Variants in ZBED5 observed in about 807,000 individuals in gnomAD.
ZBED5 encodes zinc finger BED-type containing 5.
ZBED5 carries 29 observed loss-of-function variants against 49.2 expected under a neutral mutation model. That is an observed-to-expected ratio of 0.59 (90% CI 0.44 to 0.80). The LOEUF (loss-of-function observed/expected upper bound fraction) is 0.80, where lower values mean the gene tolerates loss of function less well. ZBED5 is among the 30% of genes least tolerant of loss of function. ZBED5 has a pLI of 0.00. For missense variants in ZBED5, 775 were observed against 812.9 expected, an observed-to-expected ratio of 0.95 and a Z score of 0.57; for synonymous variants, 281 against 292.5, an observed-to-expected ratio of 0.96 and a Z score of 0.40.
intron 1 of ZBED5, among the ~76,000 whole-genome samples, chr11:10,856,920 T>C (rs1163331817): frequency 6.6e-6 from 1 of 152,226 alleles, no homozygotes; most frequent in African/African-American, 2.4e-5. Context: ...TGTTCCTGAA[T>C]ACTTTTAATT....
In ZBED5 at chr11:10,853,821, G is replaced by A. The variant is rs546671772; in HGVS notation, c.1125C>T (p.Tyr375=). The change falls in exon 3 of 3, where the codon TAC becomes TAT. Residue 375 remains tyrosine (Y), a synonymous_variant. Coordinates refer to ENST00000413761, the MANE Select transcript of ZBED5 (RefSeq NM_001143667.2). This position sits in a 1 kb window ranked among gnomAD's most constrained non-coding sequence, Gnocchi z 5.4. ...PESTSSHCLL[Y]RHALAVKIMP... ...TTATTTTAACTGCCAGTGCATGTCT[G>A]TATAATAGGCAGTGACTACTGGTGC... 5.8e-6 allele frequency: 9 copies of A among 1,551,628 alleles called. No individual in the cohort carries two copies. The highest frequency in any genetic ancestry group is 3.5e-6 in the Non-Finnish European group (4 of 1,146,946).
chr11:10,854,221 T>C lies in ZBED5; in HGVS notation c.725A>G (p.Gln242Arg). 6.4e-7 allele frequency: 1 copy of C among 1,550,996 alleles called. No homozygotes were observed. Among genetic ancestry groups the C allele is most frequent in the Non-Finnish European group, 8.7e-7 (1 of 1,146,492 alleles). Residue 242 changes from glutamine (Q) to arginine (R), a missense_variant, in exon 3 of 3, where the codon CAG (glutamine) becomes CGG (arginine). Coordinates refer to ENST00000413761, the MANE Select transcript of ZBED5 (RefSeq NM_001143667.2). The surrounding 1 kb of genome is among the most constrained non-coding windows in gnomAD (Gnocchi z 5.0). ...EQYSKKIDAV[Q>R]LSNSTVARRI... ...ACGTGCAACAGTACTGTTTGATAGC[T>C]GTACTGCATCTATTTTTTTACTATA...
chr11:10,857,604 G>A lies in ZBED5; in HGVS notation c.-256+258C>T, dbSNP rs1848201590. On this transcript the variant is annotated intron_variant, in intron 1 of 2. Transcript: ENST00000413761. This position sits in a 1 kb window ranked among gnomAD's most constrained non-coding sequence, Gnocchi z 6.3. ...ACTGGGGGGCTCCCTACCAGTCGCA[G>A]CCCACCCTCGCCTCAGGTCTTCTCT... 1 of 152,388 alleles carries A rather than the reference G, an allele frequency of 6.6e-6. No homozygotes were observed. The highest frequency in any genetic ancestry group is 6.5e-5 in the Admixed American group (1 of 15,288). The allele number at this position is 152,388 out of a possible 1,614,324, so 9.4% of individuals were successfully genotyped here. A position where few individuals can be genotyped will look rare whatever the true frequency, so the allele number is the denominator to read the frequency against.
In ZBED5 at chr11:10,852,814, TATTTTC is replaced by T. The variant is rs1277632900; in HGVS notation, c.*44_*49del. ...ACCAGAGATGAAGTAAATCATCTTT[TATTTTC>T]ATCTTACATTTGGTTATCATGAGAC... On this transcript the variant is annotated 3_prime_UTR_variant, in exon 3 of 3. Transcript: ENST00000413761. 5 of 1,436,950 alleles carry T rather than the reference TATTTTC, an allele frequency of 3.5e-6. No individual in the cohort carries two copies. In the African/African-American group the frequency reaches 4.3e-5, roughly 12 times the overall value. 89.0% of individuals were successfully genotyped at this position (1,436,950 alleles called of 1,614,324 possible).
Position 10,852,768 on chromosome 11 carries a change from T to G in ZBED5, c.*96A>C, listed in dbSNP as rs987338531. 2 of 1,406,712 alleles carry G rather than the reference T, an allele frequency of 1.4e-6. No individual in the cohort carries two copies. The highest frequency in any genetic ancestry group is 1.9e-6 in the Non-Finnish European group (2 of 1,078,464). The allele number at this position is 1,406,712 out of a possible 1,614,324, so 87.1% of individuals were successfully genotyped here. On this transcript the variant is annotated 3_prime_UTR_variant, in exon 3 of 3. Transcript: ENST00000413761. ...TAAATAGTATAAAAAAATGGAATCATTTTATTTAAATCCCCCAAATACCAG... is the reference window on the plus strand; with the variant it reads ...TAAATAGTATAAAAAAATGGAATCAGTTTATTTAAATCCCCCAAATACCAG...
rs1408406637 is a variant in ZBED5 at position 10,853,594 on chromosome 11, A to C, written c.1352T>G (p.Leu451Arg). The part of the protein sequence containing the change: ...LVRLFELRRE[L>R]LVFMDSAFRL... ...AAAAGCAGAATCCATGAAAACCAAA[A>C]GTTCACGACGAAGTTCAAAAAGTCT... The change falls in exon 3 of 3, where the codon CTT becomes CGT. Residue 451 changes from leucine to arginine, a missense_variant. By Grantham distance (102) the Leu-to-Arg change is moderately radical (BLOSUM62 -2). Coordinates refer to ENST00000413761, the MANE Select transcript of ZBED5 (RefSeq NM_001143667.2). The surrounding 1 kb of genome is among the most constrained non-coding windows in gnomAD (Gnocchi z 5.4). The C allele has an allele frequency of 3.2e-6, 5 of 1,550,858 alleles. No homozygotes were observed. Among genetic ancestry groups the C allele is most frequent in the Non-Finnish European group, 4.4e-6 (5 of 1,146,752 alleles).
In ZBED5 at chr11:10,855,006, C is replaced by T. The variant is rs1344188851; in HGVS notation, c.-61G>A. ...TGTAAATGCTGCCTATTCATCAATGCGCAGATGGAACATCATACGTTCATG... is the reference window on the plus strand; with the variant it reads ...TGTAAATGCTGCCTATTCATCAATGTGCAGATGGAACATCATACGTTCATG... On this transcript the variant is annotated 5_prime_UTR_variant, in exon 3 of 3. Coordinates refer to ENST00000413761, the MANE Select transcript of ZBED5 (RefSeq NM_001143667.2). The surrounding 1 kb of genome is among the most constrained non-coding windows in gnomAD (Gnocchi z 4.1). The T allele has an allele frequency of 1.0e-5, 15 of 1,503,938 alleles. No individual in the cohort carries two copies. The Admixed American group carries it at 1.1e-4, about 11-fold the overall frequency. 93.2% of individuals were successfully genotyped at this position (1,503,938 alleles called of 1,614,324 possible). A position where few individuals can be genotyped will look rare whatever the true frequency, so the allele number is the denominator to read the frequency against.
At position 10,853,704 on chromosome 11, in the gene ZBED5, A is replaced by G; in HGVS notation, c.1242T>C (p.Ile414=). The part of the protein sequence containing the change: ...ARPHQSRLLK[I]LCEEMGAQHT... ...GCTGAGCACCCATTTCCTCACATAA[A>G]ATTTTTAATAGTCTGGATTGATGTG... The change falls in exon 3 of 3, where the codon ATT becomes ATC. Residue 414 remains isoleucine, a synonymous_variant. Transcript: ENST00000413761. This position sits in a 1 kb window ranked among gnomAD's most constrained non-coding sequence, Gnocchi z 5.4. 4 of 1,551,626 alleles carry G rather than the reference A, an allele frequency of 2.6e-6. No individual in the cohort carries two copies. The highest frequency in any genetic ancestry group is 2.6e-6 in the Non-Finnish European group (3 of 1,146,942).
chr11:10,855,134 T>G lies in ZBED5; in HGVS notation c.-141-48A>C. 1.8e-5 allele frequency: 11 copies of G among 616,602 alleles called. No individual in the cohort carries two copies. Among genetic ancestry groups the G allele is most frequent in the South Asian group, 3.3e-5 (1 of 29,858 alleles). 38.2% of individuals were successfully genotyped at this position (616,602 alleles called of 1,614,324 possible). On this transcript the variant is annotated intron_variant, in intron 2 of 2. Transcript: ENST00000413761. This position sits in a 1 kb window ranked among gnomAD's most constrained non-coding sequence, Gnocchi z 4.1. Reference sequence around the variant, plus strand: ...AAAATAAAAGCTATAGAAATGAGTTTAGCAGTCTTAATCTCATATTTAAAT... The same window carrying G: ...AAAATAAAAGCTATAGAAATGAGTTGAGCAGTCTTAATCTCATATTTAAAT...
chr11:10,852,973 T>C lies in ZBED5; in HGVS notation c.1973A>G (p.Tyr658Cys), dbSNP rs1298239390. Residue 658 changes from tyrosine (Y) to cysteine (C), a missense_variant, in exon 3 of 3, where the codon TAT (tyrosine) becomes TGT (cysteine). Transcript: ENST00000413761. Reference sequence around the variant, plus strand: ...AGGTGCAGCATCAAGTCTTTTCCTATATTTTGTTTTTGTTGCAGCGTAATA... The same window carrying C: ...AGGTGCAGCATCAAGTCTTTTCCTACATTTTGTTTTTGTTGCAGCGTAATA... ...FSYYAATKTKYRKRLDAAPHM... is the reference protein window; with the variant it reads ...FSYYAATKTKCRKRLDAAPHM... 2.8e-5 allele frequency: 43 copies of C among 1,551,534 alleles called. No homozygotes were observed. The highest frequency in any genetic ancestry group is 3.9e-5 in the Admixed American group (2 of 50,988).
Position 10,853,019 on chromosome 11 carries a change from G to A in ZBED5, c.1927C>T (p.Leu643=). ...TAATATGAAAACCCCGTTTCACACA[G>A]GTGCATTGTAGCAAAAGGAAGAAGT... ...RVLLPFATMH[L]CETGFSYYAA... is the part of the protein sequence containing the mutation. The change falls in exon 3 of 3, where the codon CTG becomes TTG. Residue 643 remains leucine (L), a synonymous_variant. Transcript: ENST00000413761. This position sits in a 1 kb window ranked among gnomAD's most constrained non-coding sequence, Gnocchi z 5.4. 2.6e-6 allele frequency: 4 copies of A among 1,551,606 alleles called. No individual in the cohort carries two copies. Among genetic ancestry groups the A allele is most frequent in the Non-Finnish European group, 3.5e-6 (4 of 1,146,956 alleles).
Position 10,854,264 on chromosome 11 carries a change from G to A in ZBED5, c.682C>T (p.Arg228Trp), listed in dbSNP as rs762716784. 7.1e-6 allele frequency: 11 copies of A among 1,550,912 alleles called. No individual in the cohort carries two copies. The South Asian group carries it at 8.3e-5, about 12-fold the overall frequency. ...TTACTATATTGTTCATCAAACATCC[G>A]CATCACTACATCTTTTGCACAAGGT... is the stretch of plus-strand genomic sequence containing the variant. ...IKPCAKDVVM[R>W]MFDEQYSKKI... Residue 228 changes from arginine (R) to tryptophan (W), a missense_variant, in exon 3 of 3, where the codon CGG becomes TGG. Arg to Trp is a moderately radical substitution (Grantham distance 101). Transcript: ENST00000413761. This position sits in a 1 kb window ranked among gnomAD's most constrained non-coding sequence, Gnocchi z 5.0.
rs986126785 is a variant in ZBED5 at position 10,853,373 on chromosome 11, C to A, written c.1573G>T (p.Asp525Tyr). 6.4e-6 allele frequency: 10 copies of A among 1,550,978 alleles called. No individual in the cohort carries two copies. In the East Asian group the frequency reaches 2.0e-4, roughly 30 times the overall value. Residue 525 changes from aspartate (D) to tyrosine (Y), a missense_variant, in exon 3 of 3, where the codon GAT (aspartate) becomes TAT (tyrosine). Asp to Tyr is a radical substitution (Grantham distance 160). Coordinates refer to ENST00000413761, the MANE Select transcript of ZBED5 (RefSeq NM_001143667.2). This position sits in a 1 kb window ranked among gnomAD's most constrained non-coding sequence, Gnocchi z 5.4. Reference protein sequence around the residue: ...WASSVEEENFDCFPTLSDFLT... With the variant: ...WASSVEEENFYCFPTLSDFLT... The stretch of plus-strand genomic sequence containing the variant: ...AAATCACTGAGTGTAGGAAAACAAT[C>A]AAAGTTTTCTTCTTCTACAGATGAG...
chr11:10,854,619 T>C lies in ZBED5; in HGVS notation c.327A>G (p.Lys109=). The C allele has an allele frequency of 6.4e-7, 1 of 1,550,906 alleles. No individual in the cohort carries two copies. Residue 109 remains lysine (K), a synonymous_variant, in exon 3 of 3, where the codon AAA becomes AAG. Transcript: ENST00000413761. This position sits in a 1 kb window ranked among gnomAD's most constrained non-coding sequence, Gnocchi z 5.0. ...CAAAAGACAAATAACTTTCATCATA[T>C]TTTCTTCTTTTTGGTTTTTTACTAA... ...ITFSKKPKRR[K]YDESYLSFGF...
chr11:10,852,808 ATC>A lies in ZBED5; in HGVS notation c.*54_*55del. 1.4e-6 allele frequency: 2 copies of A among 1,433,748 alleles called. No individual in the cohort carries two copies. The highest frequency in any genetic ancestry group is 1.8e-6 in the Non-Finnish European group (2 of 1,088,528). 88.8% of individuals were successfully genotyped at this position (1,433,748 alleles called of 1,614,324 possible). ...CCAAATACCAGAGATGAAGTAAATC[ATC>A]TTTTATTTTCATCTTACATTTGGTT... On this transcript the variant is annotated 3_prime_UTR_variant, in exon 3 of 3. Transcript: ENST00000413761.
Position 10,853,368 on chromosome 11 carries a change from ACAAT to A in ZBED5, c.1574_1577del (p.Asp525ValfsTer9), listed in dbSNP as rs1379141060. ...TCAAAAAATCACTGAGTGTAGGAAA[ACAAT>A]CAAAGTTTTCTTCTTCTACAGATGA... On this transcript the variant is annotated frameshift_variant, in exon 3 of 3. Transcript: ENST00000413761. LOFTEE classifies it high-confidence loss of function. This position sits in a 1 kb window ranked among gnomAD's most constrained non-coding sequence, Gnocchi z 5.4. 6 of 1,551,096 alleles carry A rather than the reference ACAAT, an allele frequency of 3.9e-6. No individual in the cohort carries two copies. The African/African-American group carries it at 5.5e-5, about 14-fold the overall frequency.
Position 10,853,823 on chromosome 11 carries a change from A to G in ZBED5, c.1123T>C (p.Tyr375His), listed in dbSNP as rs199792950. Residue 375 changes from tyrosine (Y) to histidine (H), a missense_variant, in exon 3 of 3, where the codon TAC becomes CAC. Tyr to His is a moderately conservative substitution (Grantham distance 83). Coordinates refer to ENST00000413761, the MANE Select transcript of ZBED5 (RefSeq NM_001143667.2). This position sits in a 1 kb window ranked among gnomAD's most constrained non-coding sequence, Gnocchi z 5.4. ...PESTSSHCLL[Y>H]RHALAVKIMP... ...ATTTTAACTGCCAGTGCATGTCTGTATAATAGGCAGTGACTACTGGTGCTT... is the reference window on the plus strand; with the variant it reads ...ATTTTAACTGCCAGTGCATGTCTGTGTAATAGGCAGTGACTACTGGTGCTT... The G allele has an allele frequency of 1.0e-3, 1,623 of 1,551,642 alleles. 1 individual carries two copies. Among genetic ancestry groups the G allele is most frequent in the Non-Finnish European group, 1.3e-3 (1,530 of 1,146,932 alleles).
In ZBED5 at chr11:10,854,756, T is replaced by C; in HGVS notation, c.190A>G (p.Lys64Glu). 2 of 1,551,910 alleles carry C rather than the reference T, an allele frequency of 1.3e-6. No homozygotes were observed. The highest frequency in any genetic ancestry group is 1.4e-5 in the African/African-American group (1 of 73,174). Residue 64 changes from lysine (K) to glutamate (E), a missense_variant, in exon 3 of 3, where the codon AAG (lysine) becomes GAG (glutamate). Lys to Glu is a moderately conservative substitution (Grantham distance 56). Transcript: ENST00000413761. This position sits in a 1 kb window ranked among gnomAD's most constrained non-coding sequence, Gnocchi z 5.0. ...YQIVSESNDQ[K>E]VGILQSEDKQ... ...TCTTCACTTTGTAATATTCCAACCT[T>C]CTGATCATTTGATTCAGACACAATC...
chr11:10,855,119 C>G lies in ZBED5; in HGVS notation c.-141-33G>C, dbSNP rs1335758806. ...GTAGATTATCACATAAAAATAAAAG[C>G]TATAGAAATGAGTTTAGCAGTCTTA... On this transcript the variant is annotated intron_variant, in intron 2 of 2. Coordinates refer to ENST00000413761, the MANE Select transcript of ZBED5 (RefSeq NM_001143667.2). This position sits in a 1 kb window ranked among gnomAD's most constrained non-coding sequence, Gnocchi z 4.1. 3 of 763,844 alleles carry G rather than the reference C, an allele frequency of 3.9e-6. No individual in the cohort carries two copies. Among genetic ancestry groups the G allele is most frequent in the Admixed American group, 3.5e-5 (1 of 28,958 alleles). 47.3% of individuals were successfully genotyped at this position (763,844 alleles called of 1,614,324 possible).
Sources: allele counts gnomAD v4.1 joint callset (sites outside exome capture counted in the v4.1 genomes callset), GRCh38; gene constraint gnomAD v4.1.1; non-coding constraint Gnocchi (gnomAD v3.1); transcripts MANE v1.5; gene names NCBI Gene and HGNC (gene_info 2026-07-23, HGNC 2026-07-21).